The following EIF4E1B variants were observed in gnomAD, a reference collection of about 807,000 sequenced individuals.
The protein encoded by EIF4E1B is eukaryotic translation initiation factor 4E type 1B.
EIF4E1B carries 22 observed loss-of-function variants against 31.3 expected under a neutral mutation model. The observed-to-expected ratio is 0.70, with a 90% CI of 0.50 to 1.00. The LOEUF (loss-of-function observed/expected upper bound fraction) is 1.00, where lower values mean the gene tolerates loss of function less well. Ranked by LOEUF, EIF4E1B falls within the 50% of genes least tolerant of loss-of-function variation. The pLI is 0.00. For synonymous variants in EIF4E1B, 126 were observed against 120.2 expected, an observed-to-expected ratio of 1.05 and a Z score of -0.31; for missense variants, 290 against 311.6, an observed-to-expected ratio of 0.93 and a Z score of 0.52.
Position 176,644,421 on chromosome 5 carries a change from T to C in EIF4E1B, c.342T>C (p.Cys114=). The C allele has an allele frequency of 1.3e-6, 2 of 1,596,156 alleles. No individual in the cohort carries two copies. Among genetic ancestry groups the C allele is most frequent in the Non-Finnish European group, 1.7e-6 (2 of 1,171,332 alleles). The change falls in exon 6 of 9, where the codon TGT becomes TGC. Residue 114 remains cysteine (C), a synonymous_variant. Transcript: ENST00000318682. ...IQLASKLSSG[C]DYALFKDGIQ... The stretch of plus-strand genomic sequence containing the variant: ...TGGCCAGCAAGCTCTCCTCTGGCTG[T>C]GACTACGCCCTCTTCAAGGTAAGCT...
chr5:176,644,835 C>G (rs1403060275), intron 6 of EIF4E1B, among the ~76,000 whole-genome samples: 13 of 152,222 alleles, frequency 8.5e-5, no homozygotes, highest in Non-Finnish European at 1.9e-4. Context: ...TCCCCCTTGC[C>G]TGCATTGGGG....
At chr5:176,642,863 C>CCCCA (rs1760611222) in intron 3 of EIF4E1B, 61 bp downstream of exon 3, 1 of 1,241,534 alleles carries the variant, frequency 8.1e-7, no homozygotes, top group African/African-American at 1.8e-5. Flanking sequence ...CCCCCCCCCC[C>CCCCA]CCGCCCCAGG....
intron 1 of EIF4E1B, among the ~76,000 whole-genome samples, chr5:176,641,069 C>T (rs1034528235): frequency 1.7e-4 from 26 of 152,176 alleles, no homozygotes; most frequent in African/African-American, 6.0e-4. Context: ...CCTGTAATCC[C>T]AGCACTTGGG....
In EIF4E1B at chr5:176,638,413, A is replaced by C. The variant is rs915151543; in HGVS notation, c.-201-3630A>C. 3.3e-5 allele frequency among the ~76,000 whole-genome samples: 5 copies of C among 152,202 alleles called. No individual in the cohort carries two copies. The highest frequency in any genetic ancestry group is 1.2e-4 in the African/African-American group (5 of 41,452). Reference sequence around the variant, plus strand: ...CCTAAAATGGTGTCCGGCACAAAGTAATTGGTAGGTCATTATTTGTTGAAT... The same window carrying C: ...CCTAAAATGGTGTCCGGCACAAAGTCATTGGTAGGTCATTATTTGTTGAAT... On this transcript the variant is annotated intron_variant, in intron 1 of 8. Coordinates refer to ENST00000318682, the MANE Select transcript of EIF4E1B (RefSeq NM_001099408.2). This position sits in a 1 kb window ranked among gnomAD's most constrained non-coding sequence, Gnocchi z 4.3.
Position 176,636,589 on chromosome 5 carries a change from G to A in EIF4E1B, c.-201-5454G>A, listed in dbSNP as rs541908732. 3.9e-5 allele frequency among the ~76,000 whole-genome samples: 6 copies of A among 152,302 alleles called. No homozygotes were observed. The East Asian group carries it at 7.7e-4, about 20-fold the overall frequency. On this transcript the variant is annotated intron_variant, in intron 1 of 8. Transcript: ENST00000318682. ...GTGCCTTTGTAACTCTGTGTGTGGC[G>A]CCTGGCAGATTAAACATTTAGCAGC...
At position 176,645,606 on chromosome 5, in the gene EIF4E1B, T is replaced by G; in HGVS notation, c.614+90T>G. 7.0e-7 allele frequency: 1 copy of G among 1,423,502 alleles called. No individual in the cohort carries two copies. The highest frequency in any genetic ancestry group is 9.3e-7 in the Non-Finnish European group (1 of 1,080,836). The allele number at this position is 1,423,502 out of a possible 1,614,324, so 88.2% of individuals were successfully genotyped here. On this transcript the variant is annotated intron_variant, in intron 8 of 8. Coordinates refer to ENST00000318682, the MANE Select transcript of EIF4E1B (RefSeq NM_001099408.2). The surrounding 1 kb of genome is among the most constrained non-coding windows in gnomAD (Gnocchi z 5.4). ...GGGCTTGGCCTGCATGGGAGACCTC[T>G]GAAAGTCTCCATAGCCTCCCTCCCT...
At chr5:176,643,793 T>G in intron 5 of EIF4E1B, 59 bp downstream of exon 5, 1 of 1,542,404 alleles carries the variant, frequency 6.5e-7, no homozygotes, top group Non-Finnish European at 8.8e-7. Context: ...GGGCTCCCTC[T>G]CTCCGGGTTG....
At position 176,645,077 on chromosome 5, in the gene EIF4E1B, C is replaced by A; in HGVS notation, c.361-53C>A. 1 of 1,480,528 alleles carries A rather than the reference C, an allele frequency of 6.8e-7. No individual in the cohort carries two copies. The highest frequency in any genetic ancestry group is 1.2e-5 in the South Asian group (1 of 80,042). The allele number at this position is 1,480,528 out of a possible 1,614,324, so 91.7% of individuals were successfully genotyped here. Reference sequence around the variant, plus strand: ...GATAAGGCCGGGATGGTGGGTGGGTCCCCATTTCCCTTTGAACACAGGGAG... The same window carrying A: ...GATAAGGCCGGGATGGTGGGTGGGTACCCATTTCCCTTTGAACACAGGGAG... On this transcript the variant is annotated intron_variant, in intron 6 of 8. Coordinates refer to ENST00000318682, the MANE Select transcript of EIF4E1B (RefSeq NM_001099408.2). This position sits in a 1 kb window ranked among gnomAD's most constrained non-coding sequence, Gnocchi z 5.4.
chr5:176,633,274 G>C lies in EIF4E1B; in HGVS notation c.-202+2210G>C, dbSNP rs1760438399. ...AGATAAGGTTTCACTGTATCACCCAGGCTGGAGTGCAGTGGCACAGTCAAT... is the reference window on the plus strand; with the variant it reads ...AGATAAGGTTTCACTGTATCACCCACGCTGGAGTGCAGTGGCACAGTCAAT... On this transcript the variant is annotated intron_variant, in intron 1 of 8. Coordinates refer to ENST00000318682, the MANE Select transcript of EIF4E1B (RefSeq NM_001099408.2). Among the ~76,000 whole-genome samples the C allele has an allele frequency of 2.0e-5, 3 of 152,076 alleles. No individual in the cohort carries two copies. The South Asian group carries it at 6.2e-4, about 31-fold the overall frequency.
chr5:176,645,648 G>T lies in EIF4E1B; in HGVS notation c.614+132G>T, dbSNP rs190605140. The T allele has an allele frequency of 7.8e-5, 103 of 1,320,550 alleles. No individual in the cohort carries two copies. In the African/African-American group the frequency reaches 1.1e-3, roughly 14 times the overall value. 81.8% of individuals were successfully genotyped at this position (1,320,550 alleles called of 1,614,324 possible). ...TCCCTCCCTTCTGCCTTGCCCACCT[G>T]TATGGAAGGTCTGGCGTTCAGATTT... On this transcript the variant is annotated intron_variant, in intron 8 of 8. Coordinates refer to ENST00000318682, the MANE Select transcript of EIF4E1B (RefSeq NM_001099408.2). The surrounding 1 kb of genome is among the most constrained non-coding windows in gnomAD (Gnocchi z 5.4).
Position 176,645,723 on chromosome 5 carries a change from A to G in EIF4E1B, c.615-143A>G, listed in dbSNP as rs1760688012. Reference sequence around the variant, plus strand: ...GCTCTCCTTTTGCATTAAGGGGGTCATATTTTGGGTTTCCACATGGGTAAG... The same window carrying G: ...GCTCTCCTTTTGCATTAAGGGGGTCGTATTTTGGGTTTCCACATGGGTAAG... On this transcript the variant is annotated intron_variant, in intron 8 of 8. Transcript: ENST00000318682. The surrounding 1 kb of genome is among the most constrained non-coding windows in gnomAD (Gnocchi z 5.4). 1 of 1,083,870 alleles carries G rather than the reference A, an allele frequency of 9.2e-7. No individual in the cohort carries two copies. The highest frequency in any genetic ancestry group is 1.3e-6 in the Non-Finnish European group (1 of 771,598). The allele number at this position is 1,083,870 out of a possible 1,614,324, so 67.1% of individuals were successfully genotyped here. A position where few individuals can be genotyped will look rare whatever the true frequency, so the allele number is the denominator to read the frequency against.
At chr5:176,637,459 G>A (rs1316154759) in intron 1 of EIF4E1B, among the ~76,000 whole-genome samples, 4 of 152,122 alleles carry the variant, frequency 2.6e-5, no homozygotes, top group African/African-American at 7.2e-5. Flanking sequence ...AGGCCTTGGG[G>A]ACCTTGAGGA....
intron 1 of EIF4E1B, among the ~76,000 whole-genome samples, chr5:176,641,373 C>T (rs1458594258): frequency 2.0e-5 from 3 of 152,160 alleles, no homozygotes; most frequent in African/African-American, 7.2e-5. Context: ...TCCTCAAGCC[C>T]AAGCCCAGAA....
At chr5:176,637,109 G>A (rs539565201) in intron 1 of EIF4E1B, among the ~76,000 whole-genome samples, 11 of 152,338 alleles carry the variant, frequency 7.2e-5, no homozygotes, top group South Asian at 2.1e-4. Flanking sequence ...TAAGCCAGAC[G>A]CTGTTGTAGG....
chr5:176,644,348 T>A (rs1281801720), intron 5 of EIF4E1B, 28 bp from the exon 6 acceptor site: 20 of 1,570,928 alleles, frequency 1.3e-5, no homozygotes, highest in Non-Finnish European at 1.6e-5. Context: ...GCCTTGACTT[T>A]TGGCATGGGG....
chr5:176,645,589 C>T lies in EIF4E1B; in HGVS notation c.614+73C>T. ...GGGAAGGTGGGTGGAGGGGGCTTGG[C>T]CTGCATGGGAGACCTCTGAAAGTCT... is the stretch of plus-strand genomic sequence containing the variant. On this transcript the variant is annotated intron_variant, in intron 8 of 8. Coordinates refer to ENST00000318682, the MANE Select transcript of EIF4E1B (RefSeq NM_001099408.2). This position sits in a 1 kb window ranked among gnomAD's most constrained non-coding sequence, Gnocchi z 5.4. 1.4e-6 allele frequency: 2 copies of T among 1,457,488 alleles called. No individual in the cohort carries two copies. The highest frequency in any genetic ancestry group is 1.8e-6 in the Non-Finnish European group (2 of 1,104,272). The allele number at this position is 1,457,488 out of a possible 1,614,324, so 90.3% of individuals were successfully genotyped here.
chr5:176,637,732 G>A (rs1292581614), intron 1 of EIF4E1B, among the ~76,000 whole-genome samples: 1 of 152,190 alleles, frequency 6.6e-6, no homozygotes, highest in East Asian at 1.9e-4. Flanking sequence ...GCAGCAGAGG[G>A]AGGGAGAGGA....
At chr5:176,635,466 A>T (rs1760477888) in intron 1 of EIF4E1B, among the ~76,000 whole-genome samples, 1 of 152,240 alleles carries the variant, frequency 6.6e-6, no homozygotes, top group Non-Finnish European at 1.5e-5. Context: ...ATTCCCAGCA[A>T]GGGATCTAGC....
At chr5:176,642,865 C>CCCGCCG (rs56115420) in intron 3 of EIF4E1B, 63 bp downstream of exon 3, 11 of 1,169,740 alleles carry the variant, frequency 9.4e-6, no homozygotes, top group South Asian at 1.8e-5. Flanking sequence ...CCCCCCCCCC[C>CCCGCCG]GCCCCAGGTG....
Sources: gnomAD v4.1 joint callset for allele counts (sites outside exome capture counted in the v4.1 genomes callset) on GRCh38, gnomAD v4.1.1 for gene constraint, Gnocchi (gnomAD v3.1) non-coding constraint, MANE v1.5 for transcripts, NCBI Gene and HGNC (gene_info 2026-07-23, HGNC 2026-07-21) for gene names.